Variants in ARMC2 observed in about 807,000 individuals in gnomAD.
ARMC2 encodes the protein armadillo repeat containing 2.
In ARMC2, 67 loss-of-function variants were observed where a neutral mutation model predicts 90.3. That is an observed-to-expected ratio of 0.74 (90% CI 0.61 to 0.91). ARMC2 has a LOEUF of 0.91. ARMC2 is among the 40% of genes least tolerant of loss of function. The probability of loss-of-function intolerance (pLI) is 0.00; values close to 1 mark genes in which losing one functional copy is unlikely to be tolerated. For synonymous variants in ARMC2, 393 were observed against 393.0 expected, an observed-to-expected ratio of 1.00 and a Z score of 0.00; for missense variants, 920 against 1,030.9, an observed-to-expected ratio of 0.89 and a Z score of 1.47.
In ARMC2 at chr6:108,953,112, A is replaced by G. The variant is rs757162891; in HGVS notation, c.1676A>G (p.Glu559Gly). 2.3e-5 allele frequency: 37 copies of G among 1,613,850 alleles called. No individual in the cohort carries two copies. The South Asian group carries it at 4.0e-4, about 17-fold the overall frequency. ...CAGGCTCGTGAACAATTTTCCAAAG[A>G]GAAAGGGAGCATCCAAACTCTGCTG... ...NNQAREQFSK[E>G]KGSIQTLLSL... is the part of the protein sequence containing the mutation. The change falls in exon 13 of 18, where the codon GAG becomes GGG. Residue 559 changes from glutamate (E) to glycine (G), a missense_variant. Transcript: ENST00000392644.
chr6:108,994,078 T>G, the ARMC2 span, among the ~76,000 whole-genome samples: 5,537 of 148,090 alleles, frequency 0.037, 169 homozygotes, highest in African/African-American at 0.081. Flanking sequence ...AGTCTCAGGT[T>G]ACAGTGAGCT....
At chr6:108,948,351 C>A (rs1370903512) in intron 12 of ARMC2, among the ~76,000 whole-genome samples, 1 of 152,104 alleles carries the variant, frequency 6.6e-6, no homozygotes, top group African/African-American at 2.4e-5. Context: ...AACACTACCT[C>A]TGCTGACCTC....
At chr6:108,994,622 T>C in the ARMC2 span, 1 of 1,583,606 alleles carries the variant, frequency 6.3e-7, no homozygotes, top group Non-Finnish European at 8.6e-7. Context: ...GAAGAAAAAA[T>C]ACAATTAATG....
Position 108,912,385 on chromosome 6 carries a change from GC to G in ARMC2, c.1178del (p.Ala393ValfsTer9). ...RSEDLQTNME[A>X]FLYCMGSIKF... The stretch of plus-strand genomic sequence containing the variant: ...TGAAGACCTGCAAACTAACATGGAA[GC>G]TTTTTTATACTGTATGGGGTCTATA... On this transcript the variant is annotated frameshift_variant, in exon 10 of 18. Transcript: ENST00000392644. LOFTEE classifies it high-confidence loss of function. 1 of 1,612,082 alleles carries G rather than the reference GC, an allele frequency of 6.2e-7. No homozygotes were observed. Among genetic ancestry groups the G allele is most frequent in the Non-Finnish European group, 8.5e-7 (1 of 1,179,414 alleles).
At chr6:108,848,895 G>A (rs947999452) in intron 1 of ARMC2, 2 of 152,276 alleles carry the variant, frequency 1.3e-5, no homozygotes, top group Non-Finnish European at 2.9e-5. Context: ...ATGGGGTAGA[G>A]AGACGATGAG....
intron 5 of ARMC2, among the ~76,000 whole-genome samples, chr6:108,894,029 A>G (rs949940399): frequency 1.3e-5 from 2 of 152,144 alleles, no homozygotes; most frequent in Non-Finnish European, 2.9e-5. Context: ...CCACATATAG[A>G]GCACCAAACC....
intron 8 of ARMC2, among the ~76,000 whole-genome samples, chr6:108,906,511 G>T (rs575655465): frequency 6.0e-5 from 9 of 150,366 alleles, no homozygotes; most frequent in African/African-American, 2.0e-4. Flanking sequence ...ACAAGATCTC[G>T]CTCTTGTCAC....
chr6:108,964,349 AT>A, intron 16 of ARMC2, 37 bp downstream of exon 16: 1 of 1,596,190 alleles, frequency 6.3e-7, no homozygotes, highest in Non-Finnish European at 8.5e-7. Context: ...CTCTCTCAGG[AT>A]TTGAAGGACA....
intron 12 of ARMC2, among the ~76,000 whole-genome samples, chr6:108,948,673 C>T (rs982419941): frequency 2.4e-4 from 36 of 151,740 alleles, no homozygotes; most frequent in African/African-American, 8.5e-4. Context: ...GCCCTACAGC[C>T]TAGAGCTTCT....
chr6:109,042,995 T>C, the ARMC2 span, among the ~76,000 whole-genome samples: 1 of 152,032 alleles, frequency 6.6e-6, no homozygotes, highest in Non-Finnish European at 1.5e-5. Flanking sequence ...GCATTATATA[T>C]CAAGATTTAG....
At chr6:108,863,890 C>T (rs953856427) in intron 3 of ARMC2, among the ~76,000 whole-genome samples, 5 of 152,210 alleles carry the variant, frequency 3.3e-5, no homozygotes, top group African/African-American at 1.2e-4. Flanking sequence ...CCCTCTCAGC[C>T]ACTGCCTCCT....
In ARMC2 at chr6:108,953,262, G is replaced by C; in HGVS notation, c.1826G>C (p.Arg609Pro). 3 of 1,613,280 alleles carry C rather than the reference G, an allele frequency of 1.9e-6. No homozygotes were observed. Among genetic ancestry groups the C allele is most frequent in the Non-Finnish European group, 2.5e-6 (3 of 1,179,892 alleles). Residue 609 changes from arginine (R) to proline (P), a missense_variant, in exon 13 of 18, where the codon CGT becomes CCT. Transcript: ENST00000392644. Reference protein sequence around the residue: ...EAEDVLIKLTRVLANIAIHPG... With the variant: ...EAEDVLIKLTPVLANIAIHPG... Reference sequence around the variant, plus strand: ...GAGGACGTGCTCATCAAGCTGACTCGTGTGCTGGCCAACATTGCCATCCAC... The same window carrying C: ...GAGGACGTGCTCATCAAGCTGACTCCTGTGCTGGCCAACATTGCCATCCAC...
chr6:109,018,067 C>T, the ARMC2 span, among the ~76,000 whole-genome samples: 4 of 152,174 alleles, frequency 2.6e-5, no homozygotes, highest in Admixed American at 2.6e-4. Flanking sequence ...ATCCAGAGTT[C>T]TATGCTTTCA....
chr6:108,852,913 A>G (rs36081013), intron 1 of ARMC2, among the ~76,000 whole-genome samples: 1 of 152,194 alleles, frequency 6.6e-6, no homozygotes, highest in East Asian at 1.9e-4. Context: ...AAAATAATAT[A>G]CAATATGTAG....
chr6:109,028,645 G>T, the ARMC2 span, among the ~76,000 whole-genome samples: 2 of 152,112 alleles, frequency 1.3e-5, no homozygotes, highest in African/African-American at 2.4e-5. Flanking sequence ...TCATAAAAAA[G>T]CATCTCTTAA....
chr6:109,037,270 G>T, the ARMC2 span, among the ~76,000 whole-genome samples: 3 of 152,098 alleles, frequency 2.0e-5, no homozygotes, highest in East Asian at 1.9e-4. Flanking sequence ...GTCCATTAAG[G>T]TTATAAAAAT....
intron 8 of ARMC2, among the ~76,000 whole-genome samples, chr6:108,910,446 A>G (rs1255214367): frequency 6.6e-6 from 1 of 152,152 alleles, no homozygotes; most frequent in Admixed American, 6.5e-5. Context: ...GCGAAAGAGC[A>G]AGACCCTGTC....
chr6:109,005,153 G>A, the ARMC2 span, among the ~76,000 whole-genome samples: 60 of 152,106 alleles, frequency 3.9e-4, no homozygotes, highest in Non-Finnish European at 6.3e-4. Flanking sequence ...CTAATAGTAC[G>A]AGGTTGAAAA....
chr6:108,908,912 A>G (rs1292246023), intron 8 of ARMC2, among the ~76,000 whole-genome samples: 4 of 151,250 alleles, frequency 2.6e-5, no homozygotes, highest in African/African-American at 9.7e-5. Flanking sequence ...TCTACTAAAA[A>G]TGCAAAAATT....
Sources: gnomAD v4.1 joint callset for allele counts (sites outside exome capture counted in the v4.1 genomes callset) on GRCh38, gnomAD v4.1.1 for gene constraint, MANE v1.5 for transcripts, NCBI Gene and HGNC (gene_info 2026-07-23, HGNC 2026-07-21) for gene names.